HSF2BP: variants seen among roughly 807,000 people sequenced by gnomAD.
HSF2BP encodes heat shock transcription factor 2 binding protein, also known as heat shock factor 2-binding protein.
A neutral mutation model predicts 35.0 loss-of-function variants in HSF2BP; 35 were observed. The ratio of observed to expected loss-of-function variants is 1.00; its 90% CI spans 0.76 to 1.32. The LOEUF is 1.32. Among genes scored for constraint, HSF2BP ranks in the 40% most tolerant of loss-of-function variants. The pLI, the probability that HSF2BP is intolerant of heterozygous loss-of-function variation, is 0.00. For synonymous variants in HSF2BP, 114 were observed against 117.4 expected, an observed-to-expected ratio of 0.97 and a Z score of 0.18; for missense variants, 326 against 321.7, an observed-to-expected ratio of 1.01 and a Z score of -0.10.
At chr21:43,573,107 G>A (rs1568876093) in intron 8 of HSF2BP, among the ~76,000 whole-genome samples, 1 of 152,160 alleles carries the variant, frequency 6.6e-6, no homozygotes, top group Non-Finnish European at 1.5e-5. Flanking sequence ...CCAGCTGTCC[G>A]CTGCCACGGC....
At chr21:43,641,507 T>C (rs1467691952) in intron 4 of HSF2BP, among the ~76,000 whole-genome samples, 1 of 152,220 alleles carries the variant, frequency 6.6e-6, no homozygotes. Flanking sequence ...CTTCCTTGTT[T>C]GAGTAGCCTT....
intron 7 of HSF2BP, among the ~76,000 whole-genome samples, chr21:43,603,822 A>G (rs2082080395): frequency 6.6e-6 from 1 of 152,192 alleles, no homozygotes; most frequent in Non-Finnish European, 1.5e-5. Flanking sequence ...TGGGGAGGCT[A>G]TGCCACTGAA....
At chr21:43,629,146 A>T (rs1419581014) in intron 6 of HSF2BP, among the ~76,000 whole-genome samples, 4 of 152,118 alleles carry the variant, frequency 2.6e-5, no homozygotes, top group African/African-American at 2.4e-5. Flanking sequence ...TTCAAGTCCT[A>T]TTTTTTTTAA....
intron 7 of HSF2BP, among the ~76,000 whole-genome samples, chr21:43,600,940 C>G (rs1054845899): frequency 4.6e-5 from 7 of 152,240 alleles, no homozygotes; most frequent in African/African-American, 1.7e-4. Context: ...AGGCAATCTT[C>G]CACGCCATGG....
intron 3 of HSF2BP, among the ~76,000 whole-genome samples, chr21:43,648,688 T>C (rs1025094859): frequency 2.0e-4 from 30 of 152,252 alleles, no homozygotes; most frequent in Non-Finnish European, 3.2e-4. Context: ...GGTTCTACTC[T>C]TCATGGATAT....
intron 7 of HSF2BP, among the ~76,000 whole-genome samples, chr21:43,613,559 T>C (rs573491121): frequency 6.6e-6 from 1 of 152,350 alleles, no homozygotes; most frequent in South Asian, 2.1e-4. Context: ...GACAGATACC[T>C]ATTTAAATTC....
At chr21:43,641,925 A>G (rs2082642086) in intron 4 of HSF2BP, among the ~76,000 whole-genome samples, 1 of 151,488 alleles carries the variant, frequency 6.6e-6, no homozygotes. Flanking sequence ...CAAAAAAAAA[A>G]AAAAAAAAGT....
rs1343775606 is a variant in HSF2BP at position 43,653,222 on chromosome 21, G to T, written c.187+3365C>A. ...AAGGGGAAGGGAAGGGAAGGGGAAG[G>T]GAAGGGAAGGGGAAGGGAAGGGGAG... On this transcript the variant is annotated intron_variant, in intron 3 of 8. Transcript: ENST00000291560. Among the ~76,000 whole-genome samples the T allele has an allele frequency of 2.3e-5, 3 of 130,202 alleles. No homozygotes were observed. The South Asian group carries it at 9.5e-4, about 41-fold the overall frequency. 85.4% of individuals were successfully genotyped at this position (130,202 alleles called of 152,430 possible). A position where few individuals can be genotyped will look rare whatever the true frequency, so the allele number is the denominator to read the frequency against.
intron 8 of HSF2BP, among the ~76,000 whole-genome samples, chr21:43,581,663 A>G (rs1348108656): frequency 1.3e-5 from 2 of 152,236 alleles, no homozygotes; most frequent in Admixed American, 6.5e-5. Flanking sequence ...AGGCAAAAAA[A>G]ACACTGTTCT....
At chr21:43,459,700 G>A in the HSF2BP span, among the ~76,000 whole-genome samples, 88 of 25,704 alleles carry the variant, frequency 3.4e-3, no homozygotes, top group African/African-American at 7.0e-3. Flanking sequence ...TGGGAAGAGC[G>A]TGGAGCAAGA....
chr21:43,656,317 A>G (rs1261177741), intron 3 of HSF2BP, among the ~76,000 whole-genome samples: 4 of 152,242 alleles, frequency 2.6e-5, no homozygotes, highest in Non-Finnish European at 4.4e-5. Context: ...TCAGTTATCA[A>G]AAGTATAAAA....
At chr21:43,596,423 C>T (rs918450516) in intron 7 of HSF2BP, among the ~76,000 whole-genome samples, 12 of 151,880 alleles carry the variant, frequency 7.9e-5, no homozygotes, top group Non-Finnish European at 1.2e-4. Context: ...GCCTTTAATA[C>T]TTATTCCAGA....
chr21:43,501,083 CTCTG>C, the HSF2BP span, among the ~76,000 whole-genome samples: 3 of 116,130 alleles, frequency 2.6e-5, no homozygotes, highest in African/African-American at 4.0e-5. Flanking sequence ...AACACCCAGT[CTCTG>C]TCTGAGGGGA....
chr21:43,583,692 G>A (rs1337791447), intron 8 of HSF2BP, among the ~76,000 whole-genome samples: 1 of 138,722 alleles, frequency 7.2e-6, no homozygotes, highest in Admixed American at 7.1e-5. Context: ...GAGAGATGAA[G>A]GGCCTGCTGA....
At chr21:43,607,808 T>C (rs538559148) in intron 7 of HSF2BP, among the ~76,000 whole-genome samples, 6 of 152,268 alleles carry the variant, frequency 3.9e-5, no homozygotes, top group East Asian at 1.9e-4. Context: ...ATACAGCCAA[T>C]TGACCTTTGA....
the HSF2BP span, among the ~76,000 whole-genome samples, chr21:43,507,283 A>C: frequency 9.0e-6 from 1 of 111,670 alleles, no homozygotes; most frequent in African/African-American, 3.7e-5. Flanking sequence ...AGTGAGCTTT[A>C]TCTCTCCCTT....
chr21:43,589,211 CT>C (rs2081895674), intron 8 of HSF2BP, among the ~76,000 whole-genome samples: 1 of 152,282 alleles, frequency 6.6e-6, no homozygotes, highest in East Asian at 1.9e-4. Flanking sequence ...CAAACCTACC[CT>C]TTTTGCTCTG....
At position 43,583,846 on chromosome 21, in the gene HSF2BP, G is replaced by T. The variant is rs550709213; in HGVS notation, c.796+8379C>A. 4.3e-5 allele frequency among the ~76,000 whole-genome samples: 6 copies of T among 138,708 alleles called. No individual in the cohort carries two copies. The East Asian group carries it at 1.1e-3, about 26-fold the overall frequency. The allele number at this position is 138,708 out of a possible 152,430, so 91.0% of individuals were successfully genotyped here. A position where few individuals can be genotyped will look rare whatever the true frequency, so the allele number is the denominator to read the frequency against. ...CTGCTGAGGGAGATGAGGACCTGCC[G>T]AAGGAGATGAAGGGCCTGCTGAGGG... On this transcript the variant is annotated intron_variant, in intron 8 of 8. Coordinates refer to ENST00000291560, the MANE Select transcript of HSF2BP (RefSeq NM_007031.2).
intron 7 of HSF2BP, among the ~76,000 whole-genome samples, chr21:43,604,520 C>A (rs2082098465): frequency 1.4e-5 from 2 of 143,596 alleles, no homozygotes; most frequent in African/African-American, 5.3e-5. Context: ...ACTATACACA[C>A]CCCACACACA....
Sources: allele counts gnomAD v4.1 joint callset (sites outside exome capture counted in the v4.1 genomes callset), GRCh38; gene constraint gnomAD v4.1.1; transcripts MANE v1.5; gene names NCBI Gene and HGNC (gene_info 2026-07-23, HGNC 2026-07-21).